The following TRAPPC3L variants were observed in gnomAD, a reference collection of about 807,000 sequenced individuals.
The protein encoded by TRAPPC3L is trafficking protein particle complex subunit 3L, also known as trafficking protein particle complex subunit 3-like protein.
A neutral mutation model predicts 23.7 loss-of-function variants in TRAPPC3L; 23 were observed. The observed-to-expected ratio is 0.97, with a 90% CI of 0.70 to 1.37. TRAPPC3L has a LOEUF of 1.37. Among genes scored for constraint, TRAPPC3L ranks in the 40% most tolerant of loss-of-function variants. The pLI, the probability that TRAPPC3L is intolerant of heterozygous loss-of-function variation, is 0.00. For missense variants in TRAPPC3L, 212 were observed against 216.8 expected (o/e 0.98, Z 0.14); for synonymous variants, 81 against 77.9 (o/e 1.04, Z -0.21).
chr6:116,526,524 A>G (rs1163632235), intron 3 of TRAPPC3L, among the ~76,000 whole-genome samples: 1 of 152,196 alleles, frequency 6.6e-6, no homozygotes, highest in Non-Finnish European at 1.5e-5. Flanking sequence ...TTGGGTCAAA[A>G]GTAAGTTCTG....
At chr6:116,497,514 C>T (rs960777997) in intron 4 of TRAPPC3L, among the ~76,000 whole-genome samples, 17 of 152,232 alleles carry the variant, frequency 1.1e-4, no homozygotes, top group African/African-American at 3.9e-4. Context: ...AACATAATCA[C>T]TTATCCTAAC....
At chr6:116,523,032 G>A (rs1772374483) in intron 3 of TRAPPC3L, 1 of 127,200 alleles carries the variant, frequency 7.9e-6, no homozygotes. Context: ...TAGGTCTGGG[G>A]TGAGGCAAGA....
intron 3 of TRAPPC3L, among the ~76,000 whole-genome samples, chr6:116,524,948 A>C (rs143767152): frequency 2.2e-4 from 33 of 152,324 alleles, no homozygotes; most frequent in African/African-American, 7.2e-4. Context: ...TTTCACAAGC[A>C]TACTGGGAGG....
intron 4 of TRAPPC3L, among the ~76,000 whole-genome samples, chr6:116,497,779 AT>A (rs1346268940): frequency 6.6e-6 from 1 of 152,188 alleles, no homozygotes; most frequent in Non-Finnish European, 1.5e-5. Flanking sequence ...GTTCAGAGTT[AT>A]TTTGATTTAT....
intron 3 of TRAPPC3L, chr6:116,511,596 GA>G: frequency 9.7e-7 from 1 of 1,034,684 alleles, no homozygotes; most frequent in South Asian, 1.5e-5. Context: ...GTCTGAGAAG[GA>G]CTGTTGTTTC....
In TRAPPC3L at chr6:116,495,290, T is replaced by C. The variant is rs995224158; in HGVS notation, c.*1664A>G. ...AAGTCTGTCTTTCTGTCCTGACATATTTCATTGAACATAATGACCTCTAGT... is the reference window on the plus strand; with the variant it reads ...AAGTCTGTCTTTCTGTCCTGACATACTTCATTGAACATAATGACCTCTAGT... On this transcript the variant is annotated 3_prime_UTR_variant, in exon 5 of 5. Transcript: ENST00000368602. The C allele has an allele frequency of 2.6e-5, 4 of 152,074 alleles. No homozygotes were observed. The highest frequency in any genetic ancestry group is 4.4e-5 in the Non-Finnish European group (3 of 68,024). 9.4% of individuals were successfully genotyped at this position (152,074 alleles called of 1,614,324 possible).
chr6:116,497,980 C>T (rs1583263225), intron 4 of TRAPPC3L, among the ~76,000 whole-genome samples: 1 of 152,344 alleles, frequency 6.6e-6, no homozygotes, highest in East Asian at 1.9e-4. Flanking sequence ...TTATCTGGCT[C>T]ATACTGGGCC....
chr6:116,509,193 G>C (rs1261230498), intron 3 of TRAPPC3L, among the ~76,000 whole-genome samples: 1 of 151,244 alleles, frequency 6.6e-6, no homozygotes, highest in East Asian at 1.9e-4. Flanking sequence ...AGAAGTCATA[G>C]ATGACACAAA....
chr6:116,498,643 C>T (rs544221445), intron 4 of TRAPPC3L, among the ~76,000 whole-genome samples: 1 of 152,340 alleles, frequency 6.6e-6, no homozygotes, highest in Non-Finnish European at 1.5e-5. Context: ...TTTTCCTCCA[C>T]TTTCCCAAAG....
At chr6:116,541,932 T>C (rs896546698) in intron 2 of TRAPPC3L, among the ~76,000 whole-genome samples, 1 of 152,178 alleles carries the variant, frequency 6.6e-6, no homozygotes, top group South Asian at 2.1e-4. Flanking sequence ...AAATGTGAAT[T>C]TTTTTCTTAA....
chr6:116,507,346 G>A (rs1772023407), intron 3 of TRAPPC3L, among the ~76,000 whole-genome samples: 1 of 152,038 alleles, frequency 6.6e-6, no homozygotes, highest in African/African-American at 2.4e-5. Context: ...GAAGTGAAGG[G>A]AAAAATTTTG....
Position 116,500,649 on chromosome 6 carries a change from G to A in TRAPPC3L, c.258C>T (p.Tyr86=). 1.3e-6 allele frequency: 2 copies of A among 1,551,272 alleles called. No individual in the cohort carries two copies. The highest frequency in any genetic ancestry group is 8.7e-7 in the Non-Finnish European group (1 of 1,146,878). Residue 86 remains tyrosine, a synonymous_variant, in exon 4 of 5, where the codon TAC becomes TAT. Transcript: ENST00000368602. ...AGGTCACACTTGGTGTAATTCCCAG[G>A]TACATCTTGAAAGCAACCTGATAAG... ...DIIAQVAFKM[Y]LGITPSVTCN... is the part of the protein sequence containing the mutation.
intron 3 of TRAPPC3L, among the ~76,000 whole-genome samples, chr6:116,512,871 T>C (rs1772151507): frequency 3.9e-5 from 6 of 152,214 alleles, no homozygotes; most frequent in Admixed American, 3.3e-4. Context: ...TTATGTTTTA[T>C]ACTCTTTGTG....
chr6:116,530,652 A>G (rs542465343), intron 3 of TRAPPC3L, among the ~76,000 whole-genome samples: 3 of 152,174 alleles, frequency 2.0e-5, no homozygotes, highest in East Asian at 3.9e-4. Flanking sequence ...TGCATTAACA[A>G]TGTGGTTTCA....
At chr6:116,521,517 G>GGAGAGAGAGAGA (rs150273405) in intron 3 of TRAPPC3L, 13 of 149,792 alleles carry the variant, frequency 8.7e-5, no homozygotes, top group South Asian at 6.3e-4. Flanking sequence ...GGAGAGAGAG[G>GGAGAGAGAGAGA]GAGAGAGAGA....
chr6:116,504,168 G>A (rs9387415), intron 3 of TRAPPC3L, among the ~76,000 whole-genome samples: 62,147 of 151,822 alleles, frequency 0.41, 13,506 homozygotes, highest in East Asian at 0.56. Flanking sequence ...GAATCATCAA[G>A]TAGACACAAT....
Position 116,540,477 on chromosome 6 carries a change from A to G in TRAPPC3L, c.141-15T>C. The G allele has an allele frequency of 1.3e-6, 2 of 1,549,834 alleles. No individual in the cohort carries two copies. Among genetic ancestry groups the G allele is most frequent in the Non-Finnish European group, 1.7e-6 (2 of 1,146,040 alleles). ...TGCCGTAACCCCTGTGGATGACGGAAAGAGTGTGGTCTGAAAATTCTAAGA... is the reference window on the plus strand; with the variant it reads ...TGCCGTAACCCCTGTGGATGACGGAGAGAGTGTGGTCTGAAAATTCTAAGA... On this transcript the variant is annotated splice_polypyrimidine_tract_variant and intron_variant, in intron 2 of 4. Transcript: ENST00000368602.
At chr6:116,508,674 T>G (rs552264546) in intron 3 of TRAPPC3L, among the ~76,000 whole-genome samples, 18 of 152,174 alleles carry the variant, frequency 1.2e-4, no homozygotes, top group African/African-American at 4.1e-4. Context: ...AATGCACATA[T>G]CCCAAATCCT....
intron 4 of TRAPPC3L, among the ~76,000 whole-genome samples, chr6:116,499,508 G>A (rs10457307): frequency 0.053 from 8,058 of 152,178 alleles, 292 homozygotes; most frequent in Non-Finnish European, 0.074. Context: ...TTCCAAGCTT[G>A]TCATATGAAT....
Sources: gnomAD v4.1 joint callset for allele counts (sites outside exome capture counted in the v4.1 genomes callset) on GRCh38, gnomAD v4.1.1 for gene constraint, MANE v1.5 for transcripts, NCBI Gene and HGNC (gene_info 2026-07-23, HGNC 2026-07-21) for gene names.